The following FARS2 variants were observed in gnomAD, a reference collection of about 807,000 sequenced individuals.
FARS2 encodes phenylalanyl-tRNA synthetase 2, mitochondrial, also known as phenylalanine--tRNA ligase, mitochondrial.
Under a neutral mutation model 46.4 loss-of-function variants are expected in FARS2, and 40 were observed. The observed-to-expected ratio is 0.86, with a 90% CI of 0.67 to 1.12. The LOEUF (loss-of-function observed/expected upper bound fraction) is 1.12. Among genes scored for constraint, FARS2 ranks in the 50% most tolerant of loss-of-function variants. The pLI is 0.00. For synonymous variants in FARS2, 234 were observed against 214.9 expected, an observed-to-expected ratio of 1.09 and a Z score of -0.78; for missense variants, 513 against 567.9, an observed-to-expected ratio of 0.90 and a Z score of 0.98.
chr6:5,548,597 C>A (rs1771181681), intron 5 of FARS2, among the ~76,000 whole-genome samples: 2 of 152,028 alleles, frequency 1.3e-5, no homozygotes, highest in South Asian at 4.2e-4. Context: ...TAAAGAACAC[C>A]AACATCGTGT....
chr6:5,670,619 G>A (rs981871597), intron 6 of FARS2, among the ~76,000 whole-genome samples: 5 of 152,182 alleles, frequency 3.3e-5, no homozygotes, highest in African/African-American at 9.7e-5. Flanking sequence ...TTACTTGTAC[G>A]TACTTTTAGA....
intron 5 of FARS2, among the ~76,000 whole-genome samples, chr6:5,576,567 G>GTA (rs925882911): frequency 2.1e-5 from 3 of 145,288 alleles, no homozygotes; most frequent in South Asian, 2.2e-4. Flanking sequence ...CATATATAGA[G>GTA]TATATATCTA....
chr6:5,424,886 A>G (rs1762760726), intron 3 of FARS2, among the ~76,000 whole-genome samples: 1 of 152,210 alleles, frequency 6.6e-6, no homozygotes, highest in Non-Finnish European at 1.5e-5. Flanking sequence ...GAATAGATGG[A>G]ATCATCAGAT....
intron 4 of FARS2, among the ~76,000 whole-genome samples, chr6:5,440,923 T>C (rs1229229281): frequency 6.6e-6 from 1 of 151,730 alleles, no homozygotes; most frequent in Non-Finnish European, 1.5e-5. Flanking sequence ...TTCTTTCTTT[T>C]TTTTTTTTTC....
intron 6 of FARS2, among the ~76,000 whole-genome samples, chr6:5,689,907 G>A (rs1429256831): frequency 6.6e-6 from 1 of 152,108 alleles, no homozygotes; most frequent in Non-Finnish European, 1.5e-5. Flanking sequence ...TATATATTTA[G>A]GATAGTTAGC....
chr6:5,658,444 G>A (rs933489279), intron 6 of FARS2, among the ~76,000 whole-genome samples: 2 of 152,118 alleles, frequency 1.3e-5, no homozygotes, highest in Non-Finnish European at 2.9e-5. Context: ...GGTACTTCAA[G>A]GGGGTGACCA....
intron 6 of FARS2, among the ~76,000 whole-genome samples, chr6:5,753,052 A>G (rs950554072): frequency 6.6e-6 from 1 of 151,958 alleles, no homozygotes; most frequent in Admixed American, 6.5e-5. Flanking sequence ...TTTGAGAAGT[A>G]TATGAGATAG....
intron 6 of FARS2, among the ~76,000 whole-genome samples, chr6:5,642,063 A>T (rs759706816): frequency 4.6e-5 from 7 of 152,212 alleles, no homozygotes; most frequent in Non-Finnish European, 7.3e-5. Flanking sequence ...AATGAATAAG[A>T]TCTCCTTAGC....
chr6:5,567,207 A>G (rs951238529), intron 5 of FARS2, among the ~76,000 whole-genome samples: 6 of 152,104 alleles, frequency 3.9e-5, no homozygotes, highest in African/African-American at 1.4e-4. Context: ...TGGCCATCCT[A>G]ATGGTGTGAG....
intron 5 of FARS2, among the ~76,000 whole-genome samples, chr6:5,558,878 G>A (rs1167746252): frequency 3.9e-5 from 6 of 152,074 alleles, no homozygotes; most frequent in Non-Finnish European, 8.8e-5. Context: ...CCTTTATGGT[G>A]AATTATAAAT....
intron 1 of FARS2, among the ~76,000 whole-genome samples, chr6:5,357,040 C>A (rs930475664): frequency 1.3e-5 from 2 of 151,966 alleles, no homozygotes; most frequent in African/African-American, 4.8e-5. Flanking sequence ...TTCCACTCTT[C>A]TAGCAATCTT....
chr6:5,290,398 C>T (rs973281669), intron 1 of FARS2, among the ~76,000 whole-genome samples: 2 of 152,200 alleles, frequency 1.3e-5, no homozygotes, highest in Non-Finnish European at 2.9e-5. Context: ...AGATTGCAAA[C>T]TCCATGGCAG....
intron 6 of FARS2, among the ~76,000 whole-genome samples, chr6:5,616,115 A>G (rs931507248): frequency 1.8e-4 from 27 of 149,900 alleles, no homozygotes; most frequent in African/African-American, 6.4e-4. Context: ...TCTTCTCTTC[A>G]CTTCCTCTCA....
rs75579064 is a variant in FARS2, at chr6:5,362,588, T to C, written c.-21-5962T>C. 4.6e-3 allele frequency among the ~76,000 whole-genome samples: 707 copies of C among 152,350 alleles called. 3 individuals carry two copies. Among genetic ancestry groups the C allele is most frequent in the African/African-American group, 0.016 (668 of 41,584 alleles). On this transcript the variant is annotated intron_variant, in intron 1 of 6. Coordinates refer to ENST00000274680, the MANE Select transcript of FARS2 (RefSeq NM_006567.5). ...CATGCTGATTTCATTTCCTGTGTTA[T>C]ATACACAGAAGTGGGATTGCTGGAT...
intron 6 of FARS2, among the ~76,000 whole-genome samples, chr6:5,716,151 T>C (rs9392711): frequency 0.41 from 62,894 of 152,006 alleles, 13,589 homozygotes; most frequent in East Asian, 0.77. Flanking sequence ...AATACTCATA[T>C]AGTATACCTA....
intron 5 of FARS2, among the ~76,000 whole-genome samples, chr6:5,584,056 G>T (rs1773477454): frequency 6.7e-6 from 1 of 148,766 alleles, no homozygotes; most frequent in African/African-American, 2.5e-5. Context: ...ATTAGTTCCA[G>T]TTTCTCCCCT....
At chr6:5,317,162 C>A (rs2127558115) in intron 1 of FARS2, among the ~76,000 whole-genome samples, 1 of 152,354 alleles carries the variant, frequency 6.6e-6, no homozygotes, top group Middle Eastern at 3.4e-3. Flanking sequence ...TCTACAGTTA[C>A]AGCAAACAGT....
chr6:5,565,316 T>A (rs889487132), intron 5 of FARS2, among the ~76,000 whole-genome samples: 1 of 152,246 alleles, frequency 6.6e-6, no homozygotes, highest in African/African-American at 2.4e-5. Flanking sequence ...AGTTAACTTT[T>A]GTTTTGCTTG....
intron 6 of FARS2, among the ~76,000 whole-genome samples, chr6:5,674,505 G>A (rs1778656526): frequency 6.6e-6 from 1 of 152,210 alleles, no homozygotes. Flanking sequence ...GTAATAGTTT[G>A]GAAGTTGGGA....
Sources: allele counts gnomAD v4.1 joint callset (sites outside exome capture counted in the v4.1 genomes callset), GRCh38; gene constraint gnomAD v4.1.1; transcripts MANE v1.5; gene names NCBI Gene and HGNC (gene_info 2026-07-23, HGNC 2026-07-21).